Variants in PIP4K2B observed in about 807,000 individuals in gnomAD.
PIP4K2B encodes phosphatidylinositol-5-phosphate 4-kinase type 2 beta.
PIP4K2B carries 3 observed loss-of-function variants against 42.0 expected under a neutral mutation model. That is an observed-to-expected ratio of 0.07 (90% CI 0.03 to 0.18). PIP4K2B has a LOEUF of 0.18. Ranked by LOEUF, PIP4K2B falls within the 10% of genes least tolerant of loss-of-function variation. The pLI is 1.00. For missense variants in PIP4K2B, 332 were observed against 562.3 expected (o/e 0.59, Z 4.14); for synonymous variants, 204 against 210.1 (o/e 0.97, Z 0.25).
chr17:38,788,023 T>C (rs895224675), intron 1 of PIP4K2B, among the ~76,000 whole-genome samples: 1 of 152,176 alleles, frequency 6.6e-6, no homozygotes, highest in Non-Finnish European at 1.5e-5. Context: ...AAATGATCAA[T>C]AGATAAATGT....
Position 38,780,278 on chromosome 17 carries a change from A to G in PIP4K2B, c.507+174T>C, listed in dbSNP as rs553851916. 2.0e-5 allele frequency among the ~76,000 whole-genome samples: 3 copies of G among 152,050 alleles called. No individual in the cohort carries two copies. The East Asian group carries it at 5.8e-4, about 29-fold the overall frequency. On this transcript the variant is annotated intron_variant, in intron 4 of 9. Transcript: ENST00000619039. ...CTTCATGGCTCCTTTTTTCTTTTTT[A>G]AAGTAGGCATTTCAGCTCACAGAAA...
intron 7 of PIP4K2B, among the ~76,000 whole-genome samples, chr17:38,774,694 C>T (rs185367903): frequency 2.0e-3 from 306 of 151,704 alleles, no homozygotes; most frequent in African/African-American, 6.5e-3. Flanking sequence ...GGCGTGAACC[C>T]GGGAGGCGGA....
intron 5 of PIP4K2B, among the ~76,000 whole-genome samples, chr17:38,779,056 T>A (rs1246452816): frequency 6.6e-6 from 1 of 152,226 alleles, no homozygotes; most frequent in Non-Finnish European, 1.5e-5. Flanking sequence ...AGTCTAGAGA[T>A]GCACTTGTGC....
In PIP4K2B at chr17:38,773,377, G is replaced by C. The variant is rs575483575; in HGVS notation, c.808-2105C>G. The stretch of plus-strand genomic sequence containing the variant: ...TCAAAAGAGGCTGTGTGGTGCTGGG[G>C]GAAAGTCCTCCCCTAGCATCATGTG... On this transcript the variant is annotated intron_variant, in intron 7 of 9. Coordinates refer to ENST00000619039, the MANE Select transcript of PIP4K2B (RefSeq NM_003559.5). Among the ~76,000 whole-genome samples the C allele has an allele frequency of 2.0e-5, 3 of 152,200 alleles. No homozygotes were observed. In the East Asian group the frequency reaches 5.8e-4, roughly 29 times the overall value.
chr17:38,772,956 G>C (rs1223420543), intron 7 of PIP4K2B, among the ~76,000 whole-genome samples: 1 of 152,082 alleles, frequency 6.6e-6, no homozygotes, highest in African/African-American at 2.4e-5. Context: ...AAGATCTCCT[G>C]TAAGAACAAA....
intron 7 of PIP4K2B, chr17:38,776,563 T>C (rs1207922922): frequency 1.2e-5 from 5 of 401,228 alleles, no homozygotes; most frequent in East Asian, 1.5e-4. Context: ...GAGGCGGAGG[T>C]TGCAGTGAGC....
Position 38,770,489 on chromosome 17 carries a change from G to T in PIP4K2B, c.1117C>A (p.Pro373Thr). The T allele has an allele frequency of 6.2e-7, 1 of 1,612,224 alleles. No individual in the cohort carries two copies. Among genetic ancestry groups the T allele is most frequent in the Non-Finnish European group, 8.5e-7 (1 of 1,178,592 alleles). ...YFMAIIDILT[P>T]YDTKKKAAHA... ...GCAGCTTTCTTCTTTGTATCGTATG[G>T]CGTGAGGATATCAATGATGGCCATG... Residue 373 changes from proline (P) to threonine (T), a missense_variant, in exon 9 of 10, where the codon CCA becomes ACA. Around this residue, in one of 6 missense-constraint regions of PIP4K2B, gnomAD observed 26 missense variants for 76.4 expected, o/e 0.34. Transcript: ENST00000619039.
intron 1 of PIP4K2B, among the ~76,000 whole-genome samples, chr17:38,798,725 A>C (rs1434458765): frequency 6.6e-6 from 1 of 152,142 alleles, no homozygotes; most frequent in Non-Finnish European, 1.5e-5. Flanking sequence ...CATCTTGTTC[A>C]AGAGGGAAAA....
chr17:38,795,769 AAAG>A (rs1910626443), intron 1 of PIP4K2B, among the ~76,000 whole-genome samples: 1 of 151,946 alleles, frequency 6.6e-6, no homozygotes, highest in East Asian at 1.9e-4. Flanking sequence ...AAAAAAAAGA[AAAG>A]AATATGTACA....
chr17:38,790,317 G>A (rs1172997076), intron 1 of PIP4K2B, among the ~76,000 whole-genome samples: 2 of 152,138 alleles, frequency 1.3e-5, no homozygotes, highest in African/African-American at 2.4e-5. Context: ...GAAACAATTC[G>A]TGGTGGCTGT....
At chr17:38,776,548 C>A in intron 7 of PIP4K2B, 1 of 392,914 alleles carries the variant, frequency 2.5e-6, no homozygotes, top group South Asian at 1.8e-5. Flanking sequence ...ATCACTTGAA[C>A]CCAGGAGGCG....
At position 38,766,710 on chromosome 17, in the gene PIP4K2B, AG is replaced by A. The variant is rs1908725532; in HGVS notation, c.*2980del. 1 of 152,670 alleles carries A rather than the reference AG, an allele frequency of 6.6e-6. No individual in the cohort carries two copies. 9.5% of individuals were successfully genotyped at this position (152,670 alleles called of 1,614,324 possible). A position where few individuals can be genotyped will look rare whatever the true frequency, so the allele number is the denominator to read the frequency against. ...AGCAACCCCTGAGCTAAAGAAGGAG[AG>A]GTGGAGCACTGCTTCAGTCTGCGCC... On this transcript the variant is annotated 3_prime_UTR_variant, in exon 10 of 10. Transcript: ENST00000619039.
chr17:38,771,291 G>A lies in PIP4K2B; in HGVS notation c.808-19C>T, dbSNP rs750939585. 1 of 1,613,870 alleles carries A rather than the reference G, an allele frequency of 6.2e-7. No homozygotes were observed. Among genetic ancestry groups the A allele is most frequent in the South Asian group, 1.1e-5 (1 of 91,084 alleles). ...CCAAGAACTAGGAAGGGCAAGGATG[G>A]AAAGATGGAAGGAAGAAGAGGTTAC... On this transcript the variant is annotated intron_variant, in intron 7 of 9. Transcript: ENST00000619039.
intron 1 of PIP4K2B, among the ~76,000 whole-genome samples, chr17:38,789,563 A>G (rs1375072295): frequency 6.6e-6 from 1 of 152,214 alleles, no homozygotes; most frequent in African/African-American, 2.4e-5. Context: ...TAGAGTCATT[A>G]GAACTCCTCC....
chr17:38,777,541 G>A, intron 7 of PIP4K2B, 146 bp downstream of exon 7: 1 of 634,192 alleles, frequency 1.6e-6, no homozygotes, highest in Non-Finnish European at 2.9e-6. Flanking sequence ...TGCTTTAGGT[G>A]CCCATAAGTG....
intron 3 of PIP4K2B, among the ~76,000 whole-genome samples, chr17:38,783,714 C>T (rs1468328998): frequency 6.6e-6 from 1 of 152,076 alleles, no homozygotes; most frequent in Non-Finnish European, 1.5e-5. Flanking sequence ...GATTCTCCTG[C>T]CTCAGCCTCC....
chr17:38,774,033 G>T (rs1004715781), intron 7 of PIP4K2B, among the ~76,000 whole-genome samples: 2 of 152,220 alleles, frequency 1.3e-5, no homozygotes, highest in Admixed American at 6.5e-5. Context: ...ATAGTTGGGG[G>T]TGACTAAGGA....
At chr17:38,797,198 AG>A (rs1319251395) in intron 1 of PIP4K2B, among the ~76,000 whole-genome samples, 1 of 152,170 alleles carries the variant, frequency 6.6e-6, no homozygotes, top group East Asian at 1.9e-4. Context: ...CAAAGAAAAA[AG>A]ATGACCACTT....
rs574433410 is a variant in PIP4K2B at position 38,786,932 on chromosome 17, G to A, written c.160-12C>T. The A allele has an allele frequency of 4.4e-6, 7 of 1,591,524 alleles. No homozygotes were observed. The South Asian group carries it at 7.7e-5, about 18-fold the overall frequency. Reference sequence around the variant, plus strand: ...CTCAGCTCATTGATCTGAAAAGCAAGGAGAACGTAAGGCTCTCAGCCAGGA... The same window carrying A: ...CTCAGCTCATTGATCTGAAAAGCAAAGAGAACGTAAGGCTCTCAGCCAGGA... On this transcript the variant is annotated splice_polypyrimidine_tract_variant and intron_variant, in intron 1 of 9. Transcript: ENST00000619039.
Sources: allele counts gnomAD v4.1 joint callset (sites outside exome capture counted in the v4.1 genomes callset), GRCh38; gene constraint gnomAD v4.1.1; regional missense constraint gnomAD v4.1.1; transcripts MANE v1.5; gene names NCBI Gene and HGNC (gene_info 2026-07-23, HGNC 2026-07-21).